B3GAT1: variants seen among roughly 807,000 people sequenced by gnomAD.
The protein encoded by B3GAT1 is beta-1,3-glucuronyltransferase 1.
B3GAT1 carries 11 observed loss-of-function variants against 28.4 expected under a neutral mutation model. The ratio of observed to expected loss-of-function variants is 0.39; its 90% CI spans 0.24 to 0.64. B3GAT1 has a LOEUF of 0.64. B3GAT1 is among the 30% of genes least tolerant of loss of function. The pLI is 0.50. For synonymous variants in B3GAT1, 255 were observed against 223.1 expected (o/e 1.14, Z -1.27); for missense variants, 375 against 491.0 (o/e 0.76, Z 2.23).
rs761287009 is a variant in B3GAT1 at position 134,384,236 on chromosome 11, G to A, written c.113-48C>T. The A allele has an allele frequency of 6.6e-6, 10 of 1,505,490 alleles. No homozygotes were observed. In the East Asian group the frequency reaches 2.3e-4, roughly 35 times the overall value. 93.3% of individuals were successfully genotyped at this position (1,505,490 alleles called of 1,614,324 possible). A position where few individuals can be genotyped will look rare whatever the true frequency, so the allele number is the denominator to read the frequency against. On this transcript the variant is annotated intron_variant, in intron 2 of 5. Coordinates refer to ENST00000312527, the MANE Select transcript of B3GAT1 (RefSeq NM_054025.3). ...ATGTGGGAGGAGAGCGCCGGCTACG[G>A]CCCTGGATTCAGAGCGGGACGCCAC...
At chr11:134,398,195 G>A (rs978417232) in intron 1 of B3GAT1, among the ~76,000 whole-genome samples, 2 of 152,212 alleles carry the variant, frequency 1.3e-5, no homozygotes, top group Admixed American at 1.3e-4. Flanking sequence ...GATCATGGCC[G>A]GCACCCCGTG....
At chr11:134,394,540 T>C (rs887264404) in intron 1 of B3GAT1, among the ~76,000 whole-genome samples, 2 of 152,164 alleles carry the variant, frequency 1.3e-5, no homozygotes, top group African/African-American at 4.8e-5. Flanking sequence ...ATCCCCTGCA[T>C]GGCCTACCTC....
intron 1 of B3GAT1, among the ~76,000 whole-genome samples, chr11:134,403,053 C>T (rs1944652990): frequency 6.6e-6 from 1 of 152,154 alleles, no homozygotes; most frequent in African/African-American, 2.4e-5. Flanking sequence ...GTCTCAGTGC[C>T]CCTGACAGTG....
intron 2 of B3GAT1, chr11:134,385,278 C>T (rs1944248812): frequency 6.6e-6 from 1 of 152,316 alleles, no homozygotes; most frequent in African/African-American, 2.4e-5. Flanking sequence ...CAAGTCACAC[C>T]AAAGGGGAGG....
chr11:134,411,444 CT>C lies in B3GAT1; in HGVS notation c.-282+362del, dbSNP rs1944850989. ...TGGGGAGGTGGGGGACGACTGACCC[CT>C]GACTCCTCATCCGGCCACCAGAAAC... On this transcript the variant is annotated intron_variant, in intron 1 of 5. Transcript: ENST00000312527. This position sits in a 1 kb window ranked among gnomAD's most constrained non-coding sequence, Gnocchi z 6.0. 6.6e-6 allele frequency among the ~76,000 whole-genome samples: 1 copy of C among 152,088 alleles called. No individual in the cohort carries two copies. The highest frequency in any genetic ancestry group is 1.5e-5 in the Non-Finnish European group (1 of 67,992).
At chr11:134,394,739 C>G (rs1012990969) in intron 1 of B3GAT1, among the ~76,000 whole-genome samples, 4 of 152,356 alleles carry the variant, frequency 2.6e-5, no homozygotes, top group African/African-American at 9.6e-5. Flanking sequence ...AGAGCTCAAA[C>G]CATCTTGTTC....
intron 1 of B3GAT1, among the ~76,000 whole-genome samples, chr11:134,398,039 G>A (rs993932252): frequency 6.6e-6 from 1 of 152,154 alleles, no homozygotes; most frequent in Non-Finnish European, 1.5e-5. Flanking sequence ...CTTGGAATTC[G>A]ACTCAAGAAA....
chr11:134,402,152 G>A (rs1424691065), intron 1 of B3GAT1, among the ~76,000 whole-genome samples: 1 of 152,134 alleles, frequency 6.6e-6, no homozygotes, highest in East Asian at 1.9e-4. Flanking sequence ...AGATGAGGTG[G>A]GCACCCATCC....
At chr11:134,410,906 T>C (rs374364186) in intron 1 of B3GAT1, among the ~76,000 whole-genome samples, 35 of 152,254 alleles carry the variant, frequency 2.3e-4, no homozygotes, top group Admixed American at 1.1e-3. Flanking sequence ...GCCCATGCAC[T>C]GGGCTAGCAA....
At chr11:134,389,293 T>A (rs951570116) in intron 1 of B3GAT1, 4 of 152,168 alleles carry the variant, frequency 2.6e-5, no homozygotes, top group Admixed American at 2.6e-4. Flanking sequence ...AGGACATCCT[T>A]GTGGAGCACC....
intron 1 of B3GAT1, among the ~76,000 whole-genome samples, chr11:134,403,988 TATATATATA>T (rs1565459241): frequency 9.8e-5 from 3 of 30,582 alleles, no homozygotes; most frequent in African/African-American, 4.0e-4. Context: ...TTTCTTTATA[TATATATATA>T]TATATATATA....
At chr11:134,404,663 G>A (rs1321017330) in intron 1 of B3GAT1, among the ~76,000 whole-genome samples, 3 of 152,156 alleles carry the variant, frequency 2.0e-5, no homozygotes, top group Admixed American at 2.0e-4. Flanking sequence ...CCCCTCCAAG[G>A]CTCCAGGTAC....
Position 134,411,311 on chromosome 11 carries a change from C to T in B3GAT1, c.-282+496G>A, listed in dbSNP as rs1044409247. ...GGGCCCTTTGCCACCCTTGCTACCC[C>T]TGGGTCCCTCAGCGCGCCCCGCAGA... On this transcript the variant is annotated intron_variant, in intron 1 of 5. Coordinates refer to ENST00000312527, the MANE Select transcript of B3GAT1 (RefSeq NM_054025.3). This position sits in a 1 kb window ranked among gnomAD's most constrained non-coding sequence, Gnocchi z 6.0. 6.6e-6 allele frequency among the ~76,000 whole-genome samples: 1 copy of T among 152,184 alleles called. No individual in the cohort carries two copies. The highest frequency in any genetic ancestry group is 2.4e-5 in the African/African-American group (1 of 41,438).
intron 1 of B3GAT1, chr11:134,390,683 T>C (rs1180984211): frequency 3.3e-5 from 5 of 152,258 alleles, no homozygotes; most frequent in Non-Finnish European, 5.9e-5. Context: ...CCCTGTGCAG[T>C]AGGCATGGCT....
At position 134,411,984 on chromosome 11, in the gene B3GAT1, C is replaced by CGCCCGCA. The variant is rs558191809; in HGVS notation, c.-460_-459insTGCGGGC. On this transcript the variant is annotated 5_prime_UTR_variant, in exon 1 of 6. Transcript: ENST00000312527. The surrounding 1 kb of genome is among the most constrained non-coding windows in gnomAD (Gnocchi z 6.0). ...TAGCCGCGGGGTCCGCGCGCCCGCC[C>CGCCCGCA]GCCCCGCCCGGCCCCGCCGCCCCGG... The CGCCCGCA allele has an allele frequency of 1.4e-5, 2 of 147,528 alleles. No individual in the cohort carries two copies. The highest frequency in any genetic ancestry group is 4.9e-5 in the African/African-American group (2 of 40,632). 9.1% of individuals were successfully genotyped at this position (147,528 alleles called of 1,614,324 possible). A position where few individuals can be genotyped will look rare whatever the true frequency, so the allele number is the denominator to read the frequency against.
intron 1 of B3GAT1, among the ~76,000 whole-genome samples, chr11:134,397,146 G>A (rs1944520380): frequency 6.6e-6 from 1 of 152,142 alleles, no homozygotes; most frequent in Non-Finnish European, 1.5e-5. Flanking sequence ...TTCCACTGCT[G>A]CCCCGGCCTA....
At chr11:134,405,905 C>T (rs1209850841) in intron 1 of B3GAT1, among the ~76,000 whole-genome samples, 1 of 152,252 alleles carries the variant, frequency 6.6e-6, no homozygotes, top group African/African-American at 2.4e-5. Context: ...CAGCCCTCAC[C>T]TTCCACCCCT....
rs1185867089 is a variant in B3GAT1 at position 134,379,975 on chromosome 11, C to G, written c.*787G>C. 6.5e-6 allele frequency: 1 copy of G among 152,854 alleles called. No individual in the cohort carries two copies. Among genetic ancestry groups the G allele is most frequent in the Non-Finnish European group, 1.5e-5 (1 of 68,238 alleles). The allele number at this position is 152,854 out of a possible 1,614,324, so 9.5% of individuals were successfully genotyped here. A position where few individuals can be genotyped will look rare whatever the true frequency, so the allele number is the denominator to read the frequency against. ...GGGCCGTGGGGTTCTTAGTCCAGGT[C>G]AGGCAGTGACCTGTGCTGGCTCTAG... is the stretch of plus-strand genomic sequence containing the variant. On this transcript the variant is annotated 3_prime_UTR_variant, in exon 6 of 6. Coordinates refer to ENST00000312527, the MANE Select transcript of B3GAT1 (RefSeq NM_054025.3).
At position 134,383,769 on chromosome 11, in the gene B3GAT1, G is replaced by A. The variant is rs1003306577; in HGVS notation, c.532C>T (p.Arg178Cys). Residue 178 changes from arginine to cysteine, a missense_variant, in exon 3 of 6, where the codon CGC becomes TGC. Coordinates refer to ENST00000312527, the MANE Select transcript of B3GAT1 (RefSeq NM_054025.3). ...CTGGAGTTGCGCGGGAAGGTCTCGC[G>A]CAGCCAGCGCAGGGCCAGGTTGCGC... is the stretch of plus-strand genomic sequence containing the variant. ...MQRNLALRWL[R>C]ETFPRNSSQP... is the part of the protein sequence containing the mutation. 2 of 1,594,894 alleles carry A rather than the reference G, an allele frequency of 1.3e-6. No individual in the cohort carries two copies. The highest frequency in any genetic ancestry group is 1.7e-6 in the Non-Finnish European group (2 of 1,170,142).
Sources: gnomAD v4.1 joint callset for allele counts (sites outside exome capture counted in the v4.1 genomes callset) on GRCh38, gnomAD v4.1.1 for gene constraint, Gnocchi (gnomAD v3.1) non-coding constraint, MANE v1.5 for transcripts, NCBI Gene and HGNC (gene_info 2026-07-23, HGNC 2026-07-21) for gene names.